SLC17A1: variants seen among roughly 807,000 people sequenced by gnomAD.
The protein encoded by SLC17A1 is solute carrier family 17 member 1.
A neutral mutation model predicts 53.5 loss-of-function variants in SLC17A1; 51 were observed. The observed-to-expected ratio is 0.95, with a 90% CI of 0.76 to 1.20. SLC17A1 has a LOEUF of 1.20. SLC17A1 is among the 50% of genes most tolerant of loss of function. SLC17A1 has a pLI of 0.00. For synonymous variants in SLC17A1, 179 were observed against 198.8 expected (o/e 0.90, Z 0.84); for missense variants, 538 against 568.2 (o/e 0.95, Z 0.54).
At chr6:25,728,572 T>C in the SLC17A1 span, among the ~76,000 whole-genome samples, 1 of 152,152 alleles carries the variant, frequency 6.6e-6, no homozygotes, top group Admixed American at 6.5e-5. Context: ...TCCTGCACTT[T>C]GGGAGGCAGA....
chr6:25,726,478 G>GA, the SLC17A1 span: 1 of 1,613,638 alleles, frequency 6.2e-7, no homozygotes, highest in Non-Finnish European at 8.5e-7. Flanking sequence ...AGAAGAGCGA[G>GA]ACTTAGACTT....
At chr6:25,826,305 T>A (rs987541274) in intron 3 of SLC17A1, among the ~76,000 whole-genome samples, 156 bp downstream of exon 3, 2 of 152,150 alleles carry the variant, frequency 1.3e-5, no homozygotes, top group Non-Finnish European at 2.9e-5. Context: ...ACTTTAATCA[T>A]GGGACATTTT....
At chr6:25,828,504 A>T (rs1227058235) in intron 2 of SLC17A1, among the ~76,000 whole-genome samples, 1 of 152,104 alleles carries the variant, frequency 6.6e-6, no homozygotes. Flanking sequence ...TGACATGTAT[A>T]CATTTTCTAA....
At chr6:25,758,402 C>T in the SLC17A1 span, among the ~76,000 whole-genome samples, 1 of 152,194 alleles carries the variant, frequency 6.6e-6, no homozygotes, top group Non-Finnish European at 1.5e-5. Flanking sequence ...ATTCAAATTA[C>T]ATTATTGTTG....
the SLC17A1 span, among the ~76,000 whole-genome samples, chr6:25,741,209 T>C: frequency 6.6e-6 from 1 of 152,208 alleles, no homozygotes; most frequent in African/African-American, 2.4e-5. Context: ...AGGCGATAGA[T>C]ATCCTAATTA....
intron 2 of SLC17A1, among the ~76,000 whole-genome samples, chr6:25,828,693 T>C (rs1764838150): frequency 1.3e-5 from 2 of 152,110 alleles, no homozygotes; most frequent in Admixed American, 1.3e-4. Flanking sequence ...TTTTATTAGA[T>C]AATAAATATT....
intron 3 of SLC17A1, among the ~76,000 whole-genome samples, chr6:25,822,609 T>C (rs1271195577): frequency 6.6e-6 from 1 of 152,152 alleles, no homozygotes; most frequent in Non-Finnish European, 1.5e-5. Context: ...ATGCATGTGC[T>C]AGAGAAATCT....
chr6:25,779,299 T>TA, downstream of SLC17A1: 1 of 1,424,488 alleles, frequency 7.0e-7, no homozygotes, highest in Non-Finnish European at 9.5e-7. Context: ...AGACCCTGAC[T>TA]ATGTAACGCT....
chr6:25,815,656 G>A (rs1764325469), intron 6 of SLC17A1, among the ~76,000 whole-genome samples: 1 of 152,056 alleles, frequency 6.6e-6, no homozygotes, highest in South Asian at 2.1e-4. Context: ...CTCCAGAGCT[G>A]ACAGTCAATT....
the SLC17A1 span, among the ~76,000 whole-genome samples, chr6:25,769,527 C>G: frequency 6.7e-6 from 1 of 150,090 alleles, no homozygotes; most frequent in Non-Finnish European, 1.5e-5. Context: ...CACTGCACTC[C>G]GGTCTGGGTG....
intron 3 of SLC17A1, among the ~76,000 whole-genome samples, chr6:25,821,362 C>G (rs1764553829): frequency 6.6e-6 from 1 of 152,082 alleles, no homozygotes; most frequent in African/African-American, 2.4e-5. Flanking sequence ...CTGAGAATAC[C>G]AAATAATAAC....
intron 12 of SLC17A1, among the ~76,000 whole-genome samples, chr6:25,783,613 A>G (rs971912512): frequency 1.3e-5 from 2 of 152,198 alleles, no homozygotes; most frequent in African/African-American, 4.8e-5. Flanking sequence ...CACAGTGCAC[A>G]CCAGTGGGGT....
chr6:25,802,802 GTCTC>G (rs943873886), intron 10 of SLC17A1, among the ~76,000 whole-genome samples: 11 of 150,878 alleles, frequency 7.3e-5, no homozygotes, highest in East Asian at 1.9e-4. Context: ...TTCTCTCTCA[GTCTC>G]TCTCTCTCTT....
At chr6:25,751,415 A>G in the SLC17A1 span, among the ~76,000 whole-genome samples, 148 of 152,322 alleles carry the variant, frequency 9.7e-4, no homozygotes, top group East Asian at 0.018. Flanking sequence ...AAAGAATTGT[A>G]TTTCTCTATT....
chr6:25,780,024 G>A (rs1298348794), downstream of SLC17A1: 1 of 152,068 alleles, frequency 6.6e-6, no homozygotes, highest in African/African-American at 2.4e-5. Flanking sequence ...AATTCAATGT[G>A]GAACCATTCA....
chr6:25,727,336 G>C, the SLC17A1 span: 1 of 1,524,550 alleles, frequency 6.6e-7, no homozygotes, highest in African/African-American at 1.4e-5. Context: ...GCTCTTTTCA[G>C]AGCCACTTAA....
intron 8 of SLC17A1, 28 bp from the exon 9 acceptor site, chr6:25,811,798 G>A: frequency 6.2e-7 from 1 of 1,612,624 alleles, no homozygotes; most frequent in Non-Finnish European, 8.5e-7. Flanking sequence ...TTCTTGGAGT[G>A]AGTTTGATGG....
At chr6:25,724,447 C>T in the SLC17A1 span, among the ~76,000 whole-genome samples, 3 of 152,164 alleles carry the variant, frequency 2.0e-5, 1 homozygote, top group Non-Finnish European at 4.4e-5. Flanking sequence ...TCAGAAACTT[C>T]TGTAGGTAAA....
At chr6:25,828,812 C>T (rs569431811) in intron 2 of SLC17A1, among the ~76,000 whole-genome samples, 1 of 151,924 alleles carries the variant, frequency 6.6e-6, no homozygotes, top group Non-Finnish European at 1.5e-5. Flanking sequence ...AATCAGTGAC[C>T]ATTTAAATAA....
Sources: allele counts gnomAD v4.1 joint callset (sites outside exome capture counted in the v4.1 genomes callset), GRCh38; gene constraint gnomAD v4.1.1; transcripts MANE v1.5; gene names NCBI Gene and HGNC (gene_info 2026-07-23, HGNC 2026-07-21).